Variants in DNAJB11 observed in about 807,000 individuals in gnomAD.
DNAJB11 encodes the protein DnaJ heat shock protein family (Hsp40) member B11, also known as dnaJ homolog subfamily B member 11.
A neutral mutation model predicts 47.2 loss-of-function variants in DNAJB11; 30 were observed. The ratio of observed to expected loss-of-function variants is 0.64; its 90% CI spans 0.48 to 0.86. The LOEUF (loss-of-function observed/expected upper bound fraction) is 0.86. Among genes scored for constraint, DNAJB11 ranks in the 40% least tolerant of loss-of-function variants. DNAJB11 has a pLI of 0.00. For missense variants in DNAJB11, 357 were observed against 440.2 expected (o/e 0.81, Z 1.69); for synonymous variants, 151 against 159.9 (o/e 0.94, Z 0.42).
intron 4 of DNAJB11, chr3:186,579,768 CTT>C (rs1400056854): frequency 1.3e-5 from 2 of 152,258 alleles, no homozygotes; most frequent in African/African-American, 4.8e-5. Flanking sequence ...TGTCTGGAGT[CTT>C]TTGTTTTCTG....
intron 3 of DNAJB11, 42 bp downstream of exon 3, chr3:186,575,979 A>G (rs1392335302): frequency 2.2e-6 from 3 of 1,387,254 alleles, no homozygotes; most frequent in African/African-American, 2.8e-5. Context: ...TGTCTGAGAG[A>G]GGGTCACTTA....
At chr3:186,575,751 G>A in intron 2 of DNAJB11, 89 bp from the exon 3 acceptor site, 1 of 1,020,446 alleles carries the variant, frequency 9.8e-7, no homozygotes, top group South Asian at 1.5e-5. Context: ...TAGACCCACT[G>A]TCAAAGTAAA....
chr3:186,572,361 T>G, intron 2 of DNAJB11, 110 bp downstream of exon 2: 2 of 1,084,768 alleles, frequency 1.8e-6, no homozygotes, highest in Non-Finnish European at 2.5e-6. Flanking sequence ...ATTTATTTAT[T>G]TTGAGACTGA....
rs779479780 is a variant in DNAJB11, at chr3:186,582,061, C to T, written c.666C>T (p.Tyr222=). The T allele has an allele frequency of 1.1e-5, 18 of 1,613,270 alleles. No homozygotes were observed. The South Asian group carries it at 2.0e-4, about 18-fold the overall frequency. ...CTGGGGTGAGAGACGGCATGGAGTA[C>T]CCCTTTATTGGAGAAGGTGAAATAT... ...IEPGVRDGME[Y]PFIGEGEPHV... The change falls in exon 6 of 10, where the codon TAC becomes TAT. Residue 222 remains tyrosine, a synonymous_variant. Coordinates refer to ENST00000265028, the MANE Select transcript of DNAJB11 (RefSeq NM_016306.6).
intron 4 of DNAJB11, chr3:186,581,147 C>G (rs1397007299): frequency 2.2e-5 from 10 of 451,114 alleles, no homozygotes; most frequent in African/African-American, 8.2e-5. Context: ...CTCTACTTCT[C>G]CAGCTTTAGA....
chr3:186,572,041 G>T, intron 1 of DNAJB11, 54 bp from the exon 2 acceptor site: 1 of 1,436,318 alleles, frequency 7.0e-7, no homozygotes, highest in Non-Finnish European at 9.3e-7. Context: ...CTTTTACTTT[G>T]AAAAATGTAA....
chr3:186,575,368 CGTGT>C (rs3051602), intron 2 of DNAJB11, among the ~76,000 whole-genome samples: 70,868 of 143,306 alleles, frequency 0.49, 20,032 homozygotes, highest in East Asian at 0.76. Flanking sequence ...CGCGCGCGCG[CGTGT>C]GTGTGTGTGT....
intron 8 of DNAJB11, 107 bp downstream of exon 8, chr3:186,584,083 T>C (rs1464367570): frequency 1.2e-6 from 1 of 813,464 alleles, no homozygotes; most frequent in Non-Finnish European, 2.1e-6. Context: ...GACTCCTTTC[T>C]TGGTCGTATT....
At chr3:186,577,882 T>C (rs1715355040) in intron 4 of DNAJB11, 82 bp downstream of exon 4, 1 of 1,223,790 alleles carries the variant, frequency 8.2e-7, no homozygotes, top group Non-Finnish European at 1.1e-6. Context: ...ATATGTACCT[T>C]CTCTGTCTTT....
chr3:186,577,115 G>A (rs1715327133), intron 3 of DNAJB11, among the ~76,000 whole-genome samples: 1 of 152,104 alleles, frequency 6.6e-6, no homozygotes, highest in Non-Finnish European at 1.5e-5. Flanking sequence ...ATTTTACTAA[G>A]GCTGATGCTT....
intron 7 of DNAJB11, 97 bp from the exon 8 acceptor site, chr3:186,583,768 T>A: frequency 3.7e-6 from 3 of 818,390 alleles, no homozygotes; most frequent in Non-Finnish European, 4.1e-6. Context: ...ATGTTTATTG[T>A]TTGAAAGAGT....
At chr3:186,583,068 G>T (rs1715541269) in intron 7 of DNAJB11, among the ~76,000 whole-genome samples, 1 of 152,222 alleles carries the variant, frequency 6.6e-6, no homozygotes, top group African/African-American at 2.4e-5. Flanking sequence ...TTTAGCTGAA[G>T]AAGTATGGCA....
chr3:186,584,468 G>A lies in DNAJB11; in HGVS notation c.891G>A (p.Ala297=), dbSNP rs756322049. 11 of 1,589,126 alleles carry A rather than the reference G, an allele frequency of 6.9e-6. No individual in the cohort carries two copies. Among genetic ancestry groups the A allele is most frequent in the African/African-American group, 5.5e-5 (4 of 72,676 alleles). Residue 297 remains alanine, a synonymous_variant, in exon 9 of 10, where the codon GCG becomes GCA. Transcript: ENST00000265028. ...ISRDKITRPG[A]KLWKKGEGLP... is the part of the protein sequence containing the mutation. ...GGGATAAGATCACCAGGCCAGGAGC[G>A]AAGCTATGGAAGAAAGGGGAAGGGC...
At position 186,575,397 on chromosome 3, in the gene DNAJB11, G is replaced by GTGTGTA. The variant is rs1256944456; in HGVS notation, c.226-438_226-437insATGTGT. ...TGTGTGTGTGTGTGTGTGTGTCTGT[G>GTGTGTA]TGTGTGTGTTTTGGGTAGGGGGTGT... On this transcript the variant is annotated intron_variant, in intron 2 of 9. Transcript: ENST00000265028. Among the ~76,000 whole-genome samples the GTGTGTA allele has an allele frequency of 2.0e-5, 3 of 152,122 alleles. No homozygotes were observed. In the East Asian group the frequency reaches 5.8e-4, roughly 29 times the overall value.
chr3:186,584,667 C>G, intron 9 of DNAJB11, 78 bp downstream of exon 9: 1 of 1,305,218 alleles, frequency 7.7e-7, no homozygotes, highest in Non-Finnish European at 9.8e-7. Context: ...AAAAGGATGG[C>G]AATAGAAGAA....
chr3:186,575,354 T>TGC (rs368559871), intron 2 of DNAJB11, among the ~76,000 whole-genome samples: 12 of 129,510 alleles, frequency 9.3e-5, no homozygotes, highest in Admixed American at 2.4e-4. Context: ...TCCTAATACA[T>TGC]GCGCGCGCGC....
chr3:186,571,031 G>GGC, intron 1 of DNAJB11, 66 bp downstream of exon 1: 1 of 1,041,144 alleles, frequency 9.6e-7, no homozygotes, highest in Non-Finnish European at 1.4e-6. Context: ...GTGGGAGGGG[G>GGC]TGGGGGAAGT....
At chr3:186,575,368 C>CGCGCTTGT in intron 2 of DNAJB11, among the ~76,000 whole-genome samples, 1 of 143,458 alleles carries the variant, frequency 7.0e-6, no homozygotes, top group Non-Finnish European at 1.5e-5. Flanking sequence ...CGCGCGCGCG[C>CGCGCTTGT]GTGTGTGTGT....
Position 186,570,758 on chromosome 3 carries a change from A to T in DNAJB11, c.-140A>T. The T allele has an allele frequency of 1.4e-6, 1 of 729,008 alleles. No homozygotes were observed. The highest frequency in any genetic ancestry group is 1.7e-5 in the South Asian group (1 of 60,110). 45.2% of individuals were successfully genotyped at this position (729,008 alleles called of 1,614,324 possible). ...GGACCGGCAGAAGAGGGGGCTAGCT[A>T]GCTGTCTCTGCGGACCAAGGAGACC... On this transcript the variant is annotated 5_prime_UTR_variant, in exon 1 of 10. Transcript: ENST00000265028.
Sources: gnomAD v4.1 joint callset for allele counts (sites outside exome capture counted in the v4.1 genomes callset) on GRCh38, gnomAD v4.1.1 for gene constraint, MANE v1.5 for transcripts, NCBI Gene and HGNC (gene_info 2026-07-23, HGNC 2026-07-21) for gene names.